ZPLD1: variants seen among roughly 807,000 people sequenced by gnomAD.
ZPLD1 encodes the protein zona pellucida-like domain-containing protein 1.
A neutral mutation model predicts 47.2 loss-of-function variants in ZPLD1; 34 were observed. That is an observed-to-expected ratio of 0.72 (90% CI 0.55 to 0.96). The LOEUF (loss-of-function observed/expected upper bound fraction) is 0.96. ZPLD1 is among the 40% of genes least tolerant of loss of function. ZPLD1 has a pLI of 0.00. For missense variants in ZPLD1, 512 were observed against 505.8 expected (o/e 1.01, Z -0.12); for synonymous variants, 176 against 186.2 (o/e 0.95, Z 0.45).
chr3:102,439,927 T>C (rs1707150297), intron 3 of ZPLD1, among the ~76,000 whole-genome samples: 1 of 152,206 alleles, frequency 6.6e-6, no homozygotes. Flanking sequence ...TTCTCCTCTG[T>C]CCTTTGCTTT....
At chr3:102,409,343 A>G (rs1027360530) in intron 7 of ZPLD1, among the ~76,000 whole-genome samples, 7 of 151,768 alleles carry the variant, frequency 4.6e-5, no homozygotes, top group Non-Finnish European at 8.8e-5. Flanking sequence ...TCTATTTATG[A>G]GGGCAGATCC....
At chr3:102,393,472 T>A (rs1004792340) in intron 7 of ZPLD1, among the ~76,000 whole-genome samples, 1 of 152,122 alleles carries the variant, frequency 6.6e-6, no homozygotes. Flanking sequence ...TTGGTATAAT[T>A]GTGTTTGGAT....
rs961083137 is a variant in ZPLD1 at position 102,478,678 on chromosome 3, T to G, written c.*1060T>G. ...CTTCTTGTAGGTGTCATAATTGCCA[T>G]GAATAAACAATATTTTCCTCTAACA... On this transcript the variant is annotated 3_prime_UTR_variant, in exon 12 of 12. Transcript: ENST00000466937. 6.6e-6 allele frequency: 1 copy of G among 152,178 alleles called. No homozygotes were observed. Among genetic ancestry groups the G allele is most frequent in the East Asian group, 1.9e-4 (1 of 5,188 alleles). 9.4% of individuals were successfully genotyped at this position (152,178 alleles called of 1,614,324 possible). A position where few individuals can be genotyped will look rare whatever the true frequency, so the allele number is the denominator to read the frequency against.
chr3:102,474,542 G>A (rs528585525), intron 10 of ZPLD1, among the ~76,000 whole-genome samples: 4 of 152,126 alleles, frequency 2.6e-5, no homozygotes, highest in Non-Finnish European at 5.9e-5. Flanking sequence ...TAAAAAGGTC[G>A]GTGCTTATTA....
intron 6 of ZPLD1, among the ~76,000 whole-genome samples, chr3:102,386,980 G>A (rs1280106299): frequency 6.6e-6 from 1 of 152,104 alleles, no homozygotes; most frequent in East Asian, 1.9e-4. Flanking sequence ...ATTTTTTGAT[G>A]TCTATTTCTT....
intron 8 of ZPLD1, among the ~76,000 whole-genome samples, chr3:102,420,388 G>A (rs765568930): frequency 6.6e-6 from 1 of 151,882 alleles, no homozygotes; most frequent in African/African-American, 2.4e-5. Context: ...ATTGTTTATA[G>A]CAGGGTGAGC....
chr3:102,468,967 T>G lies in ZPLD1; in HGVS notation c.765T>G (p.Cys255Trp), dbSNP rs755626239. 6.2e-7 allele frequency: 1 copy of G among 1,609,194 alleles called. No homozygotes were observed. The highest frequency in any genetic ancestry group is 8.5e-7 in the Non-Finnish European group (1 of 1,178,418). ...DDIRYDLFLS[C>W]DKDPQTTVIE... ...TTTCACGTTCCCTAAAATTTAGCTG[T>G]GACAAGGACCCTCAGACCACCGTCA... is the stretch of plus-strand genomic sequence containing the variant. The change falls in exon 9 of 12, where the codon TGT becomes TGG. Residue 255 changes from cysteine to tryptophan, a missense_variant. By Grantham distance (215) the Cys-to-Trp change is radical. Coordinates refer to ENST00000466937, the MANE Select transcript of ZPLD1 (RefSeq NM_001329788.2).
chr3:102,441,351 G>A (rs1707174519), intron 3 of ZPLD1, among the ~76,000 whole-genome samples: 1 of 152,088 alleles, frequency 6.6e-6, no homozygotes, highest in African/African-American at 2.4e-5. Flanking sequence ...AATCATATGG[G>A]CTAGTTGTTA....
upstream of ZPLD1, among the ~76,000 whole-genome samples, chr3:102,430,309 A>G (rs1297461100): frequency 6.6e-6 from 1 of 152,208 alleles, no homozygotes; most frequent in Non-Finnish European, 1.5e-5. Context: ...TGCATTTCTC[A>G]GAAAGTCTTT....
In ZPLD1 at chr3:102,469,069, G is replaced by A. The variant is rs1359179509; in HGVS notation, c.867G>A (p.Met289Ile). 6 of 1,614,054 alleles carry A rather than the reference G, an allele frequency of 3.7e-6. No individual in the cohort carries two copies. Among genetic ancestry groups the A allele is most frequent in the Admixed American group, 3.3e-5 (2 of 60,006 alleles). Residue 289 changes from methionine (M) to isoleucine (I), a missense_variant, in exon 9 of 12, where the codon ATG (methionine) becomes ATA (isoleucine). Met to Ile is a conservative substitution (Grantham distance 10). Transcript: ENST00000466937. ...TTGTGAAACACAAGAATCAGAAAAT[G>A]TCCACTGTCTTCTTGCACTGCGTTA... The part of the protein sequence containing the change: ...FRFVKHKNQK[M>I]STVFLHCVTK...
At chr3:102,428,840 T>C (rs1433507739) in intron 8 of ZPLD1, among the ~76,000 whole-genome samples, 1 of 151,862 alleles carries the variant, frequency 6.6e-6, no homozygotes, top group Non-Finnish European at 1.5e-5. Context: ...TTTTAAGTCA[T>C]AATAAAAAGA....
intron 8 of ZPLD1, among the ~76,000 whole-genome samples, chr3:102,427,414 G>T (rs1706961725): frequency 6.6e-6 from 1 of 152,108 alleles, no homozygotes; most frequent in Non-Finnish European, 1.5e-5. Context: ...GTAGATATGA[G>T]GGTTTTGGGG....
At chr3:102,449,924 A>G (rs1707311305) in intron 3 of ZPLD1, among the ~76,000 whole-genome samples, 1 of 152,162 alleles carries the variant, frequency 6.6e-6, no homozygotes, top group African/African-American at 2.4e-5. Flanking sequence ...TTGCTCCAGT[A>G]CCTTATATGA....
intron 4 of ZPLD1, among the ~76,000 whole-genome samples, chr3:102,455,761 C>A (rs1707403275): frequency 6.6e-6 from 1 of 152,052 alleles, no homozygotes; most frequent in African/African-American, 2.4e-5. Flanking sequence ...AGGTGAGATC[C>A]TGGGGAGGAG....
At chr3:102,437,550 C>T (rs929511712) in intron 2 of ZPLD1, among the ~76,000 whole-genome samples, 2 of 152,102 alleles carry the variant, frequency 1.3e-5, no homozygotes, top group African/African-American at 2.4e-5. Context: ...GCTTTTTATG[C>T]GTAGACCAAG....
intron 7 of ZPLD1, among the ~76,000 whole-genome samples, chr3:102,402,768 G>A (rs557182674): frequency 2.6e-5 from 4 of 152,092 alleles, no homozygotes; most frequent in Non-Finnish European, 4.4e-5. Flanking sequence ...GTTTCCTTCA[G>A]GTAGGGCTGT....
intron 9 of ZPLD1, among the ~76,000 whole-genome samples, chr3:102,469,950 CA>C (rs2107354631): frequency 6.6e-6 from 1 of 152,164 alleles, no homozygotes; most frequent in South Asian, 2.1e-4. Flanking sequence ...TATTTATGTT[CA>C]ATTTATGCAT....
chr3:102,388,506 T>C (rs1375369300), intron 6 of ZPLD1, among the ~76,000 whole-genome samples: 1 of 150,580 alleles, frequency 6.6e-6, no homozygotes, highest in Non-Finnish European at 1.5e-5. Context: ...ATGTATATAA[T>C]ACTAATTTAT....
Position 102,435,027 on chromosome 3 carries a change from A to T in ZPLD1, c.-250A>T. 1.4e-6 allele frequency: 2 copies of T among 1,464,672 alleles called. No homozygotes were observed. The highest frequency in any genetic ancestry group is 9.6e-7 in the Non-Finnish European group (1 of 1,046,608). 90.7% of individuals were successfully genotyped at this position (1,464,672 alleles called of 1,614,324 possible). ...TTTTTGAGGAATGTAAAGGGTGTTA[A>T]CATAATCCCCCAATCCCATACAATT... On this transcript the variant is annotated 5_prime_UTR_variant, in exon 1 of 12. Coordinates refer to ENST00000466937, the MANE Select transcript of ZPLD1 (RefSeq NM_001329788.2).
Sources: allele counts gnomAD v4.1 joint callset (sites outside exome capture counted in the v4.1 genomes callset), GRCh38; gene constraint gnomAD v4.1.1; transcripts MANE v1.5; gene names NCBI Gene and HGNC (gene_info 2026-07-23, HGNC 2026-07-21).